Variants in BCAS3 observed in about 807,000 individuals in gnomAD.
BCAS3 encodes BCAS3 microtubule associated cell migration factor.
A neutral mutation model predicts 116.1 loss-of-function variants in BCAS3; 53 were observed. The observed-to-expected ratio is 0.46, with a 90% CI of 0.37 to 0.57. The LOEUF (loss-of-function observed/expected upper bound fraction) is 0.57, where lower values mean the gene tolerates loss of function less well. BCAS3 is among the 20% of genes least tolerant of loss of function. BCAS3 has a pLI of 0.00. For synonymous variants in BCAS3, 391 were observed against 408.2 expected (o/e 0.96, Z 0.51); for missense variants, 917 against 1,165.4 (o/e 0.79, Z 3.10).
chr17:60,829,493 CAAA>C (rs538508139), intron 7 of BCAS3, among the ~76,000 whole-genome samples: 3 of 124,554 alleles, frequency 2.4e-5, no homozygotes, highest in Admixed American at 8.3e-5. Flanking sequence ...GACTGTGTCT[CAAA>C]AAAAAAAAAA....
In BCAS3 at chr17:61,131,522, A is replaced by G. The variant is rs2076341103; in HGVS notation, c.2425+46958A>G. ...TTATATTCCAAACTCATAATTAAGT[A>G]TGAACAATTTGCATTTGAGATTTTA... is the stretch of plus-strand genomic sequence containing the variant. On this transcript the variant is annotated intron_variant, in intron 22 of 23. Transcript: ENST00000407086. This position sits in a 1 kb window ranked among gnomAD's most constrained non-coding sequence, Gnocchi z 4.4. 6.6e-6 allele frequency among the ~76,000 whole-genome samples: 1 copy of G among 152,254 alleles called. No homozygotes were observed. Among genetic ancestry groups the G allele is most frequent in the Admixed American group, 6.5e-5 (1 of 15,286 alleles).
Position 60,962,858 on chromosome 17 carries a change from G to A in BCAS3, c.1221+15506G>A, listed in dbSNP as rs1296186869. ...GTTTCTCCAAAGTTTTCTTTTAGTG[G>A]TTTCATAGTTTGAGGTCTTAGATTT... On this transcript the variant is annotated intron_variant, in intron 14 of 23. Coordinates refer to ENST00000407086, the MANE Select transcript of BCAS3 (RefSeq NM_017679.5). This position sits in a 1 kb window ranked among gnomAD's most constrained non-coding sequence, Gnocchi z 4.4. 6.6e-6 allele frequency among the ~76,000 whole-genome samples: 1 copy of A among 152,064 alleles called. No individual in the cohort carries two copies. The highest frequency in any genetic ancestry group is 2.4e-5 in the African/African-American group (1 of 41,408).
chr17:60,907,529 G>A (rs537042609), intron 11 of BCAS3, among the ~76,000 whole-genome samples: 1 of 152,310 alleles, frequency 6.6e-6, no homozygotes, highest in Admixed American at 6.5e-5. Flanking sequence ...TCTGCTTGCA[G>A]CAGAACAGAA....
chr17:61,340,753 T>C (rs141546825), intron 22 of BCAS3, among the ~76,000 whole-genome samples: 1 of 152,102 alleles, frequency 6.6e-6, no homozygotes, highest in East Asian at 1.9e-4. Flanking sequence ...CAACTGGATG[T>C]GGTGGGAAGA....
Position 61,276,602 on chromosome 17 carries a change from G to A in BCAS3, c.2426-91725G>A, listed in dbSNP as rs1468760224. On this transcript the variant is annotated intron_variant, in intron 22 of 23. Transcript: ENST00000407086. The surrounding 1 kb of genome is among the most constrained non-coding windows in gnomAD (Gnocchi z 4.2). ...AGAAGACAAAATTGTTAAGACGGCA[G>A]TGCTCCCCAAATTGATCTACAGATT... Among the ~76,000 whole-genome samples, 1 of 152,130 alleles carries A rather than the reference G, an allele frequency of 6.6e-6. No individual in the cohort carries two copies. Among genetic ancestry groups the A allele is most frequent in the African/African-American group, 2.4e-5 (1 of 41,432 alleles).
At chr17:61,024,521 T>G (rs2066092331) in intron 16 of BCAS3, among the ~76,000 whole-genome samples, 1 of 152,096 alleles carries the variant, frequency 6.6e-6, no homozygotes, top group African/African-American at 2.4e-5. Flanking sequence ...TGTTATTTAT[T>G]TAGTACAGGC....
At chr17:61,270,183 G>A (rs1331856135) in intron 22 of BCAS3, among the ~76,000 whole-genome samples, 3 of 144,356 alleles carry the variant, frequency 2.1e-5, no homozygotes, top group East Asian at 4.0e-4. Context: ...GCGATGGTGC[G>A]ATCCCGGCTT....
chr17:61,057,361 C>CA (rs2069491045), intron 19 of BCAS3, among the ~76,000 whole-genome samples: 1 of 152,184 alleles, frequency 6.6e-6, no homozygotes, highest in African/African-American at 2.4e-5. Context: ...GATAACCTTA[C>CA]AGATTTGTGA....
chr17:60,776,849 C>A (rs976678670), intron 6 of BCAS3, among the ~76,000 whole-genome samples: 3 of 151,748 alleles, frequency 2.0e-5, no homozygotes, highest in Non-Finnish European at 4.4e-5. Context: ...AACCCCATCT[C>A]TACTAAAAAT....
rs2079784739 is a variant in BCAS3 at position 61,186,503 on chromosome 17, T to G, written c.2425+101939T>G. Among the ~76,000 whole-genome samples the G allele has an allele frequency of 6.6e-6, 1 of 152,364 alleles. No homozygotes were observed. Among genetic ancestry groups the G allele is most frequent in the Non-Finnish European group, 1.5e-5 (1 of 68,042 alleles). ...GAGCCTGCTTCCACTTTTTCATACTTGAATATGTTTTTTCCTGCTTTCTAA... is the reference window on the plus strand; with the variant it reads ...GAGCCTGCTTCCACTTTTTCATACTGGAATATGTTTTTTCCTGCTTTCTAA... On this transcript the variant is annotated intron_variant, in intron 22 of 23. Coordinates refer to ENST00000407086, the MANE Select transcript of BCAS3 (RefSeq NM_017679.5). This position sits in a 1 kb window ranked among gnomAD's most constrained non-coding sequence, Gnocchi z 4.9.
chr17:60,988,344 T>C (rs866399412), intron 14 of BCAS3, among the ~76,000 whole-genome samples: 69 of 127,576 alleles, frequency 5.4e-4, no homozygotes, highest in African/African-American at 2.4e-3. Context: ...TTTTCTTTTT[T>C]TTTTTTTTTT....
rs2054117259 is a variant in BCAS3 at position 61,309,388 on chromosome 17, A to T, written c.2426-58939A>T. 6.6e-6 allele frequency among the ~76,000 whole-genome samples: 1 copy of T among 151,994 alleles called. No homozygotes were observed. Among genetic ancestry groups the T allele is most frequent in the African/African-American group, 2.4e-5 (1 of 41,376 alleles). ...GCAGATGAGCATGCCTGAGTACTGAACACTACCGTGTCACTCCCCATGTTG... is the reference window on the plus strand; with the variant it reads ...GCAGATGAGCATGCCTGAGTACTGATCACTACCGTGTCACTCCCCATGTTG... On this transcript the variant is annotated intron_variant, in intron 22 of 23. Transcript: ENST00000407086. This position sits in a 1 kb window ranked among gnomAD's most constrained non-coding sequence, Gnocchi z 4.6.
chr17:61,057,839 A>G (rs2069548952), intron 19 of BCAS3, among the ~76,000 whole-genome samples: 1 of 152,164 alleles, frequency 6.6e-6, no homozygotes, highest in South Asian at 2.1e-4. Flanking sequence ...TCTTATTTCC[A>G]AGAATACCTA....
At chr17:61,212,072 CG>C (rs1374053665) in intron 22 of BCAS3, among the ~76,000 whole-genome samples, 1 of 152,112 alleles carries the variant, frequency 6.6e-6, no homozygotes, top group Non-Finnish European at 1.5e-5. Flanking sequence ...AACTGGTACA[CG>C]ATTGTTTTCT....
In BCAS3 at chr17:61,387,074, G is replaced by A. The variant is rs1279058382; in HGVS notation, c.2594-4903G>A. 1.3e-5 allele frequency among the ~76,000 whole-genome samples: 2 copies of A among 152,144 alleles called. No homozygotes were observed. Among genetic ancestry groups the A allele is most frequent in the African/African-American group, 2.4e-5 (1 of 41,414 alleles). On this transcript the variant is annotated intron_variant, in intron 23 of 23. Coordinates refer to ENST00000407086, the MANE Select transcript of BCAS3 (RefSeq NM_017679.5). This position sits in a 1 kb window ranked among gnomAD's most constrained non-coding sequence, Gnocchi z 6.2. The stretch of plus-strand genomic sequence containing the variant: ...AGGTGTGAGCCACTGCACCTGGCCC[G>A]ACTTCACCTCCGACCTACTGCTGGG...
chr17:61,375,218 TTGTGTGTGTGTGTG>T (rs59961930), intron 23 of BCAS3, among the ~76,000 whole-genome samples: 4 of 142,680 alleles, frequency 2.8e-5, no homozygotes, highest in African/African-American at 1.1e-4. Flanking sequence ...AAAGCACTAT[TTGTGTGTGTGTGTG>T]TGTGTGTGTG....
chr17:60,740,732 G>A (rs960980979), intron 5 of BCAS3, among the ~76,000 whole-genome samples: 1 of 151,984 alleles, frequency 6.6e-6, no homozygotes, highest in African/African-American at 2.4e-5. Context: ...ATTGGATTTG[G>A]GTATTTACCT....
At chr17:60,809,300 G>A (rs182808655) in intron 7 of BCAS3, among the ~76,000 whole-genome samples, 9 of 151,600 alleles carry the variant, frequency 5.9e-5, no homozygotes, top group Admixed American at 1.3e-4. Flanking sequence ...GAGAGTTTGT[G>A]ACTTAGATTT....
chr17:61,069,766 G>A (rs770589579), intron 19 of BCAS3: 3 of 644,366 alleles, frequency 4.7e-6, no homozygotes, highest in Non-Finnish European at 8.2e-6. Flanking sequence ...TGAACACAAG[G>A]TGGAGGCTGC....
Sources: allele counts gnomAD v4.1 joint callset (sites outside exome capture counted in the v4.1 genomes callset), GRCh38; gene constraint gnomAD v4.1.1; non-coding constraint Gnocchi (gnomAD v3.1); transcripts MANE v1.5; gene names NCBI Gene and HGNC (gene_info 2026-07-23, HGNC 2026-07-21).